LRRC17: variants seen among roughly 807,000 people sequenced by gnomAD.
The protein encoded by LRRC17 is leucine-rich repeat-containing protein 17.
A neutral mutation model predicts 41.5 loss-of-function variants in LRRC17; 33 were observed. That is an observed-to-expected ratio of 0.80 (90% CI 0.60 to 1.06). The LOEUF (loss-of-function observed/expected upper bound fraction) is 1.06. LRRC17 is among the 50% of genes least tolerant of loss of function. LRRC17 has a pLI of 0.00. For synonymous variants in LRRC17, 192 were observed against 197.0 expected (o/e 0.97, Z 0.21); for missense variants, 491 against 519.3 (o/e 0.95, Z 0.53).
Position 102,934,186 on chromosome 7 carries a change from C to T in LRRC17, c.273C>T (p.Asn91=). ...QDLLHMLLAR[N]KIRTLKNNMF... The stretch of plus-strand genomic sequence containing the variant: ...TGCTGCACATGCTGCTAGCAAGAAA[C>T]AAGATCCGCACATTGAAGAACAACA... The change falls in exon 2 of 4, where the codon AAC becomes AAT. Residue 91 remains asparagine (N), a synonymous_variant. Coordinates refer to ENST00000339431, the MANE Select transcript of LRRC17 (RefSeq NM_001031692.3). 1 of 1,614,230 alleles carries T rather than the reference C, an allele frequency of 6.2e-7. No individual in the cohort carries two copies.
At chr7:102,942,709 C>T (rs1821703134) in intron 3 of LRRC17, among the ~76,000 whole-genome samples, 1 of 152,078 alleles carries the variant, frequency 6.6e-6, no homozygotes. Flanking sequence ...CAAGACATTG[C>T]TTGGTACCAA....
chr7:102,939,131 A>G (rs914707492), intron 2 of LRRC17, among the ~76,000 whole-genome samples: 4 of 152,164 alleles, frequency 2.6e-5, no homozygotes, highest in African/African-American at 9.7e-5. Context: ...TGCTTTCTAG[A>G]ACCTAGGAGG....
intron 2 of LRRC17, among the ~76,000 whole-genome samples, chr7:102,937,122 G>A (rs989333334): frequency 6.6e-6 from 1 of 152,122 alleles, no homozygotes; most frequent in African/African-American, 2.4e-5. Context: ...CTTAGTATAT[G>A]TAACACTGGG....
At chr7:102,932,255 C>T (rs1819325453) in intron 1 of LRRC17, among the ~76,000 whole-genome samples, 1 of 152,034 alleles carries the variant, frequency 6.6e-6, no homozygotes, top group African/African-American at 2.4e-5. Flanking sequence ...TTTTTTGTGC[C>T]TGCTTTTTTA....
At chr7:102,929,489 C>G (rs1205274806) in intron 1 of LRRC17, among the ~76,000 whole-genome samples, 1 of 151,746 alleles carries the variant, frequency 6.6e-6, no homozygotes, top group Non-Finnish European at 1.5e-5. Flanking sequence ...TGGTGAAACC[C>G]CATCTCTACA....
chr7:102,936,812 A>G (rs149774490), intron 2 of LRRC17, among the ~76,000 whole-genome samples: 18 of 152,322 alleles, frequency 1.2e-4, no homozygotes, highest in African/African-American at 3.8e-4. Context: ...ACGAGACTAC[A>G]CTGTGTTCTA....
rs568793708 is a variant in LRRC17 at position 102,933,958 on chromosome 7, G to A, written c.45G>A (p.Ala15=). The change falls in exon 2 of 4, where the codon GCG becomes GCA. Residue 15 remains alanine, a synonymous_variant. Transcript: ENST00000339431. ...TIVILLCFCK[A]AELRKASPGS... is the part of the protein sequence containing the mutation. ...TAATCTTGCTCTGCTTTTGCAAAGC[G>A]GCTGAGCTGCGCAAAGCAAGCCCAG... The A allele has an allele frequency of 2.3e-5, 37 of 1,613,538 alleles. No individual in the cohort carries two copies. The Admixed American group carries it at 4.0e-4, about 17-fold the overall frequency.
In LRRC17 at chr7:102,944,568, C is replaced by G. The variant is rs752776711; in HGVS notation, c.1287C>G (p.Thr429=). 3 of 1,610,802 alleles carry G rather than the reference C, an allele frequency of 1.9e-6. No homozygotes were observed. The highest frequency in any genetic ancestry group is 2.2e-5 in the East Asian group (1 of 44,850). ...DEWEKKHRDH[T]AKKQSVIITI... is the part of the protein sequence containing the mutation. ...GGGAAAAAAAACATAGAGATCACAC[C>G]GCAAAGAAGCAAAGCGTAATAATTA... The change falls in exon 4 of 4, where the codon ACC becomes ACG. Residue 429 remains threonine, a synonymous_variant. Coordinates refer to ENST00000339431, the MANE Select transcript of LRRC17 (RefSeq NM_001031692.3).
chr7:102,937,014 CA>C (rs1190786259), intron 2 of LRRC17, among the ~76,000 whole-genome samples: 1 of 152,046 alleles, frequency 6.6e-6, no homozygotes, highest in African/African-American at 2.4e-5. Flanking sequence ...TGTGTAAACA[CA>C]ACCTTCCAGA....
At chr7:102,931,160 T>C (rs1490656046) in intron 1 of LRRC17, among the ~76,000 whole-genome samples, 1 of 152,174 alleles carries the variant, frequency 6.6e-6, no homozygotes, top group Non-Finnish European at 1.5e-5. Flanking sequence ...AAGGGCATTT[T>C]AAGCAAAGAG....
At chr7:102,922,496 TA>T (rs1440373248) in intron 1 of LRRC17, among the ~76,000 whole-genome samples, 1 of 152,186 alleles carries the variant, frequency 6.6e-6, no homozygotes, top group African/African-American at 2.4e-5. Flanking sequence ...GCATTTACTA[TA>T]AAATTTTATA....
chr7:102,932,183 TG>T (rs1448911186), intron 1 of LRRC17, among the ~76,000 whole-genome samples: 1 of 152,198 alleles, frequency 6.6e-6, no homozygotes, highest in Non-Finnish European at 1.5e-5. Flanking sequence ...AATATTACTT[TG>T]GGAAAAACAC....
At chr7:102,922,191 A>AG (rs1384811432) in intron 1 of LRRC17, among the ~76,000 whole-genome samples, 2 of 147,460 alleles carry the variant, frequency 1.4e-5, no homozygotes, top group African/African-American at 5.0e-5. Context: ...CTCTGTCTCA[A>AG]AAAAAAAAAA....
intron 3 of LRRC17, chr7:102,942,256 G>C: frequency 1.3e-6 from 2 of 1,557,678 alleles, no homozygotes; most frequent in East Asian, 4.6e-5. Flanking sequence ...ATGACCTAAA[G>C]AAGTTTTAAA....
chr7:102,928,784 TATA>T (rs1563105285), intron 1 of LRRC17, among the ~76,000 whole-genome samples: 2 of 152,218 alleles, frequency 1.3e-5, no homozygotes, highest in East Asian at 3.8e-4. Flanking sequence ...ACAACTTCAT[TATA>T]ATGACAGGCA....
At chr7:102,936,726 T>A (rs1820377462) in intron 2 of LRRC17, among the ~76,000 whole-genome samples, 1 of 152,192 alleles carries the variant, frequency 6.6e-6, no homozygotes, top group Non-Finnish European at 1.5e-5. Flanking sequence ...CAGGTGTAAA[T>A]GAGAAAAGTA....
chr7:102,927,929 T>A (rs1319367072), intron 1 of LRRC17, among the ~76,000 whole-genome samples: 5 of 152,204 alleles, frequency 3.3e-5, no homozygotes, highest in Admixed American at 3.3e-4. Context: ...TATACACTTG[T>A]TGAAAGACCT....
intron 1 of LRRC17, among the ~76,000 whole-genome samples, chr7:102,930,004 T>A (rs957337904): frequency 1.3e-5 from 2 of 151,846 alleles, no homozygotes; most frequent in African/African-American, 4.8e-5. Flanking sequence ...AATGAACAGG[T>A]GTTAGCCAGT....
intron 1 of LRRC17, among the ~76,000 whole-genome samples, chr7:102,915,296 T>C (rs1815624570): frequency 6.6e-6 from 1 of 151,958 alleles, no homozygotes; most frequent in Non-Finnish European, 1.5e-5. Flanking sequence ...ATTTTAACAA[T>C]CAAAATCGGC....
Sources: allele counts gnomAD v4.1 joint callset (sites outside exome capture counted in the v4.1 genomes callset), GRCh38; gene constraint gnomAD v4.1.1; transcripts MANE v1.5; gene names NCBI Gene and HGNC (gene_info 2026-07-23, HGNC 2026-07-21).